Variants in STS observed in about 807,000 individuals in gnomAD.
STS encodes the protein steroid sulfatase, also known as steryl-sulfatase.
A neutral mutation model predicts 26.8 loss-of-function variants in STS; 7 were observed. That is an observed-to-expected ratio of 0.26 (90% confidence interval 0.15 to 0.49). STS has a LOEUF of 0.49. Among genes scored for constraint, STS ranks in the 20% least tolerant of loss-of-function variants. The pLI is 0.98. For missense variants in STS, 434 were observed against 465.6 expected (o/e 0.93, Z 0.63); for synonymous variants, 199 against 189.4 (o/e 1.05, Z -0.42).
intron 3 of STS, among the ~76,000 whole-genome samples, 175 bp from the exon 4 acceptor site, chrX:7,257,067 C>A (rs930653121): frequency 8.9e-6 from 1 of 112,220 alleles, no homozygotes; most frequent in East Asian, 2.8e-4. Flanking sequence ...GCCTGGCCAA[C>A]ATGGTGAAAC....
intron 1 of STS, among the ~76,000 whole-genome samples, chrX:7,190,403 G>A (rs1296315821): frequency 1.8e-5 from 2 of 111,619 alleles, no homozygotes; most frequent in Non-Finnish European, 3.8e-5. Flanking sequence ...AAATACAGAT[G>A]AAGCTTGGCT....
At chrX:7,187,985 A>T (rs1207209292) in intron 1 of STS, among the ~76,000 whole-genome samples, 11 of 112,219 alleles carry the variant, frequency 9.8e-5, no homozygotes. Context: ...AAAGATGCAT[A>T]CTTATTATCT....
At chrX:7,227,809 G>C (rs1179421160) in intron 2 of STS, among the ~76,000 whole-genome samples, 1 of 111,666 alleles carries the variant, frequency 9.0e-6, no homozygotes, top group Admixed American at 9.5e-5. Flanking sequence ...TTGACTGCAG[G>C]TCTCTGGACT....
intron 3 of STS, among the ~76,000 whole-genome samples, chrX:7,255,039 A>G (rs1410048202): frequency 8.9e-6 from 1 of 112,553 alleles, no homozygotes; most frequent in Non-Finnish European, 1.9e-5. Context: ...TAATCATTGC[A>G]TATCAGACCA....
chrX:7,214,180 A>G (rs767580046), intron 2 of STS, among the ~76,000 whole-genome samples: 5 of 112,596 alleles, frequency 4.4e-5, no homozygotes, highest in Non-Finnish European at 9.4e-5. Context: ...GACAATAAAC[A>G]CTATTTACAT....
chrX:7,348,403 T>G (rs1471371238), intron 10 of STS, among the ~76,000 whole-genome samples: 1 of 112,105 alleles, frequency 8.9e-6, no homozygotes, highest in African/African-American at 3.2e-5. Flanking sequence ...TACACAGGGG[T>G]GGAGGGCTTC....
chrX:7,272,211 T>A (rs1351663848), intron 6 of STS, among the ~76,000 whole-genome samples: 10 of 56,879 alleles, frequency 1.8e-4, no homozygotes, highest in African/African-American at 8.7e-4. Context: ...AAAATTAATT[T>A]AATTACATAT....
intron 9 of STS, 140 bp downstream of exon 9, chrX:7,325,638 G>C: frequency 1.4e-6 from 1 of 699,718 alleles, no homozygotes; most frequent in Non-Finnish European, 2.3e-6. Flanking sequence ...TTTGAGGCAG[G>C]TCAATTAATA....
At chrX:7,252,792 G>A (rs1010698313) in intron 2 of STS, among the ~76,000 whole-genome samples, 5 of 111,765 alleles carry the variant, frequency 4.5e-5, no homozygotes, top group Admixed American at 9.5e-5. Context: ...CCAGCACAAA[G>A]AGCTGCCCCA....
intron 2 of STS, among the ~76,000 whole-genome samples, chrX:7,210,846 AT>A (rs1359393260): frequency 2.7e-5 from 3 of 110,642 alleles, no homozygotes; most frequent in African/African-American, 9.8e-5. Flanking sequence ...AGCAAAATTA[AT>A]TTTTTTAAGT....
At chrX:7,342,331 G>A (rs183701970) in intron 10 of STS, among the ~76,000 whole-genome samples, 1 of 111,549 alleles carries the variant, frequency 9.0e-6, no homozygotes, top group Non-Finnish European at 1.9e-5. Flanking sequence ...GGAGAACACA[G>A]CAGGGCTTTG....
chrX:7,223,667 C>G (rs1384161052), intron 2 of STS, among the ~76,000 whole-genome samples: 2 of 110,208 alleles, frequency 1.8e-5, no homozygotes, highest in Non-Finnish European at 3.8e-5. Flanking sequence ...AGCACTTTGT[C>G]AGATGCATAG....
intron 8 of STS, among the ~76,000 whole-genome samples, chrX:7,319,951 A>T (rs1569224203): frequency 1.1e-5 from 1 of 94,087 alleles, no homozygotes; most frequent in African/African-American, 4.0e-5. Flanking sequence ...TTTTATATGT[A>T]TATTTATATA....
intron 2 of STS, among the ~76,000 whole-genome samples, chrX:7,204,634 C>T (rs995852729): frequency 1.9e-5 from 2 of 103,496 alleles, no homozygotes; most frequent in African/African-American, 7.1e-5. Context: ...TTCCCTCCCT[C>T]TCTTCCTTTT....
intron 7 of STS, among the ~76,000 whole-genome samples, chrX:7,290,589 A>G (rs1925366934): frequency 8.9e-6 from 1 of 111,979 alleles, no homozygotes. Flanking sequence ...AGCCATGTGT[A>G]TATGGTTCCG....
chrX:7,170,102 A>G (rs1210920759), intron 1 of STS, among the ~76,000 whole-genome samples: 1 of 111,933 alleles, frequency 8.9e-6, no homozygotes, highest in African/African-American at 3.3e-5. Flanking sequence ...AAGCAATCAC[A>G]GATTATAGGG....
intron 2 of STS, among the ~76,000 whole-genome samples, chrX:7,247,851 G>A (rs190994175): frequency 1.8e-5 from 2 of 112,126 alleles, no homozygotes; most frequent in East Asian, 5.6e-4. Context: ...AATGTCAATA[G>A]TGCAGAGGTT....
intron 6 of STS, among the ~76,000 whole-genome samples, chrX:7,274,924 A>C (rs1924457332): frequency 8.9e-6 from 1 of 112,158 alleles, no homozygotes; most frequent in Non-Finnish European, 1.9e-5. Context: ...AGTAATTGAC[A>C]ACTGAAGGTA....
chrX:7,313,436 A>C (rs755392899), intron 8 of STS, among the ~76,000 whole-genome samples: 3 of 112,005 alleles, frequency 2.7e-5, no homozygotes, highest in Non-Finnish European at 5.6e-5. Context: ...TGATACTTTT[A>C]TTGTGAGAGA....
Sources: allele counts gnomAD v4.1 joint callset (sites outside exome capture counted in the v4.1 genomes callset), GRCh38; gene constraint gnomAD v4.1.1; transcripts MANE v1.5; gene names NCBI Gene and HGNC (gene_info 2026-07-23, HGNC 2026-07-21).